The following SLC39A13 variants were observed in gnomAD, a reference collection of about 807,000 sequenced individuals.
SLC39A13 encodes solute carrier family 39 member 13.
Under a neutral mutation model 38.7 loss-of-function variants are expected in SLC39A13, and 18 were observed. That is an observed-to-expected ratio of 0.47 (90% CI 0.32 to 0.69). The LOEUF (loss-of-function observed/expected upper bound fraction) is 0.69. SLC39A13 is among the 30% of genes least tolerant of loss of function. SLC39A13 has a pLI of 0.03. For synonymous variants in SLC39A13, 212 were observed against 219.1 expected, an observed-to-expected ratio of 0.97 and a Z score of 0.29; for missense variants, 395 against 490.7, an observed-to-expected ratio of 0.80 and a Z score of 1.84.
upstream of SLC39A13, among the ~76,000 whole-genome samples, chr11:47,408,302 C>A (rs1328762575): frequency 6.6e-6 from 1 of 152,082 alleles, no homozygotes; most frequent in African/African-American, 2.4e-5. Context: ...CGATCGCGGT[C>A]CCCGCAGAGC....
intron 6 of SLC39A13, chr11:47,413,998 A>C: frequency 1.5e-6 from 1 of 666,316 alleles, no homozygotes; most frequent in Non-Finnish European, 2.7e-6. Context: ...GAGGCAGCCT[A>C]CTCTGCAGCT....
At chr11:47,414,555 G>A in intron 7 of SLC39A13, 80 bp downstream of exon 7, 1 of 1,568,514 alleles carries the variant, frequency 6.4e-7, no homozygotes, top group Non-Finnish European at 8.7e-7. Flanking sequence ...GCTCAGGAGG[G>A]TGTGGGGCTG....
rs2095990611 is a variant in SLC39A13 at position 47,410,162 on chromosome 11, C to T, written c.68C>T (p.Ala23Val). The T allele has an allele frequency of 1.2e-6, 2 of 1,613,342 alleles. No homozygotes were observed. Among genetic ancestry groups the T allele is most frequent in the African/African-American group, 2.7e-5 (2 of 74,928 alleles). Residue 23 changes from alanine to valine, a missense_variant, in exon 2 of 10, where the codon GCC (alanine) becomes GTC (valine). Ala to Val is a moderately conservative substitution (Grantham distance 64). Coordinates refer to ENST00000362021, the MANE Select transcript of SLC39A13 (RefSeq NM_001128225.3). Reference sequence around the variant, plus strand: ...AGGCTCCTCTTCCTCACTGCCCTTGCCCTGGAGCTCTTGGAAAGGGCTGGG... The same window carrying T: ...AGGCTCCTCTTCCTCACTGCCCTTGTCCTGGAGCTCTTGGAAAGGGCTGGG... ...GPRLLFLTAL[A>V]LELLERAGGS...
In SLC39A13 at chr11:47,415,636, G is replaced by A; in HGVS notation, c.*273G>A. On this transcript the variant is annotated 3_prime_UTR_variant, in exon 10 of 10. Coordinates refer to ENST00000362021, the MANE Select transcript of SLC39A13 (RefSeq NM_001128225.3). The stretch of plus-strand genomic sequence containing the variant: ...TGTGGTTACCTCTCCTTGCCGCCCT[G>A]TCACCTTCACCTCCCGGAGTAAGCA... The A allele has an allele frequency of 1.7e-6, 1 of 580,654 alleles. No homozygotes were observed. 36.0% of individuals were successfully genotyped at this position (580,654 alleles called of 1,614,324 possible).
rs1371288557 is a variant in SLC39A13, at chr11:47,415,991, G to C, written c.*628G>C. On this transcript the variant is annotated 3_prime_UTR_variant, in exon 10 of 10. Coordinates refer to ENST00000362021, the MANE Select transcript of SLC39A13 (RefSeq NM_001128225.3). The stretch of plus-strand genomic sequence containing the variant: ...AGACCCTTTCCTCAGGGCTGCCCTG[G>C]GAGCTCATTCCTGGCCAACACGCCC... 1.9e-5 allele frequency: 3 copies of C among 156,642 alleles called. No individual in the cohort carries two copies. Among genetic ancestry groups the C allele is most frequent in the East Asian group, 3.8e-4 (2 of 5,292 alleles). The allele number at this position is 156,642 out of a possible 1,614,324, so 9.7% of individuals were successfully genotyped here.
rs1216684959 is a variant in SLC39A13 at position 47,412,250 on chromosome 11, C to T, written c.416-96C>T. 15 of 1,501,800 alleles carry T rather than the reference C, an allele frequency of 1.0e-5. No individual in the cohort carries two copies. The East Asian group carries it at 3.2e-4, about 32-fold the overall frequency. The allele number at this position is 1,501,800 out of a possible 1,614,324, so 93.0% of individuals were successfully genotyped here. ...CTGCCCAACCCACCCTTGTCACTGC[C>T]CTGGTGCCCTGGATGAGATCCCATT... On this transcript the variant is annotated intron_variant, in intron 3 of 9. Transcript: ENST00000362021.
chr11:47,414,703 T>C (rs1308953489), intron 7 of SLC39A13, 74 bp from the exon 8 acceptor site: 2 of 1,591,388 alleles, frequency 1.3e-6, no homozygotes, highest in Non-Finnish European at 1.7e-6. Flanking sequence ...GGGCTCAGTG[T>C]GTATATCGTA....
At position 47,411,988 on chromosome 11, in the gene SLC39A13, T is replaced by C; in HGVS notation, c.364T>C (p.Phe122Leu). The change falls in exon 3 of 10, where the codon TTT becomes CTT. Residue 122 changes from phenylalanine (F) to leucine (L), a missense_variant. Coordinates refer to ENST00000362021, the MANE Select transcript of SLC39A13 (RefSeq NM_001128225.3). ...FALGGLLGNV[F>L]LHLLPEAWAY... Reference sequence around the variant, plus strand: ...CCTGGGGGGACTCTTGGGCAATGTGTTTCTGCATCTGCTGCCCGAAGCCTG... The same window carrying C: ...CCTGGGGGGACTCTTGGGCAATGTGCTTCTGCATCTGCTGCCCGAAGCCTG... The C allele has an allele frequency of 6.2e-7, 1 of 1,613,884 alleles. No individual in the cohort carries two copies.
At chr11:47,415,017 A>C (rs920040962) in intron 8 of SLC39A13, 22 bp from the exon 9 acceptor site, 18 of 1,612,696 alleles carry the variant, frequency 1.1e-5, no homozygotes, top group East Asian at 2.2e-5. Flanking sequence ...TGGGGAGCAC[A>C]CACAGTGCCT....
intron 6 of SLC39A13, chr11:47,413,966 C>T (rs994603610): frequency 2.9e-6 from 2 of 692,586 alleles, no homozygotes; most frequent in African/African-American, 3.5e-5. Context: ...CCTCCTCCCT[C>T]TGGCCTCTGG....
In SLC39A13 at chr11:47,414,770, C is replaced by T. The variant is rs2096017551; in HGVS notation, c.787-7C>T. ...GGCGCAGGGTGAACCTCTGGACCTC[C>T]CTTCAGGTGGGCGACTTTGCCATCC... On this transcript the variant is annotated splice_region_variant and splice_polypyrimidine_tract_variant and intron_variant, in intron 7 of 9. Transcript: ENST00000362021. The T allele has an allele frequency of 6.2e-7, 1 of 1,607,252 alleles. No homozygotes were observed. The highest frequency in any genetic ancestry group is 1.3e-5 in the African/African-American group (1 of 74,892).
Position 47,410,073 on chromosome 11 carries a change from T to A in SLC39A13, c.-8-14T>A, listed in dbSNP as rs779112917. ...AGGCTGTAGCTCATATAGGTGGCCT[T>A]TTGTGTTTTTCAGTACGTGGCATGC... On this transcript the variant is annotated splice_polypyrimidine_tract_variant and intron_variant, in intron 1 of 9. Transcript: ENST00000362021. 1 of 1,611,924 alleles carries A rather than the reference T, an allele frequency of 6.2e-7. No individual in the cohort carries two copies.
chr11:47,412,554 C>A, intron 4 of SLC39A13, 87 bp downstream of exon 4: 1 of 1,600,092 alleles, frequency 6.2e-7, no homozygotes, highest in Non-Finnish European at 8.5e-7. Context: ...CTGAGTTGAG[C>A]CCTGAAAAGA....
At chr11:47,408,397 G>C (rs1370177463), upstream of SLC39A13, among the ~76,000 whole-genome samples, 1 of 152,058 alleles carries the variant, frequency 6.6e-6, no homozygotes, top group African/African-American at 2.4e-5. Context: ...CCGGCCCGCA[G>C]CCCTGCCCAA....
chr11:47,407,888 C>T (rs575415730), upstream of SLC39A13, among the ~76,000 whole-genome samples: 1 of 152,348 alleles, frequency 6.6e-6, no homozygotes, highest in African/African-American at 2.4e-5. Flanking sequence ...GGTCTAGCTT[C>T]CTCCAGGTGA....
upstream of SLC39A13, chr11:47,407,341 G>T (rs1325750075): frequency 1.3e-5 from 2 of 152,314 alleles, no homozygotes; most frequent in Non-Finnish European, 1.5e-5. Flanking sequence ...CCAGGGAGAA[G>T]TTGGCGGTCT....
intron 6 of SLC39A13, chr11:47,413,892 G>A (rs1418947740): frequency 1.4e-6 from 1 of 723,614 alleles, no homozygotes; most frequent in South Asian, 1.5e-5. Context: ...AGTACTCCTT[G>A]TTGGGTGCCT....
chr11:47,411,446 A>T (rs975712466), intron 2 of SLC39A13, among the ~76,000 whole-genome samples: 2 of 152,124 alleles, frequency 1.3e-5, no homozygotes, highest in African/African-American at 4.8e-5. Context: ...CTCTACCAAA[A>T]ATACAAAAAT....
chr11:47,411,823 C>T (rs1403066872), intron 2 of SLC39A13, 103 bp from the exon 3 acceptor site: 3 of 1,154,388 alleles, frequency 2.6e-6, no homozygotes, highest in Non-Finnish European at 2.5e-6. Context: ...CACCCATATC[C>T]AGCCTTGCAG....
Sources: gnomAD v4.1 joint callset for allele counts (sites outside exome capture counted in the v4.1 genomes callset) on GRCh38, gnomAD v4.1.1 for gene constraint, MANE v1.5 for transcripts, NCBI Gene and HGNC (gene_info 2026-07-23, HGNC 2026-07-21) for gene names.